The following NINL variants were observed in gnomAD, a reference collection of about 807,000 sequenced individuals.
NINL encodes the protein ninein like.
NINL carries 153 observed loss-of-function variants against 160.3 expected under a neutral mutation model. The ratio of observed to expected loss-of-function variants is 0.95; its 90% CI spans 0.84 to 1.09. The LOEUF is 1.09. NINL is among the 50% of genes least tolerant of loss of function. The probability of loss-of-function intolerance (pLI) is 0.00; values close to 1 mark genes in which losing one functional copy is unlikely to be tolerated. For missense variants in NINL, 1,829 were observed against 1,764.0 expected, an observed-to-expected ratio of 1.04 and a Z score of -0.66; for synonymous variants, 800 against 734.8, an observed-to-expected ratio of 1.09 and a Z score of -1.43.
chr20:25,478,160 G>A (rs1179820566), intron 16 of NINL, among the ~76,000 whole-genome samples: 6 of 152,130 alleles, frequency 3.9e-5, no homozygotes, highest in Non-Finnish European at 8.8e-5. Context: ...ATGTTGGCCA[G>A]GCTGGTCTCG....
intron 8 of NINL, among the ~76,000 whole-genome samples, chr20:25,499,785 G>A (rs899763416): frequency 2.0e-5 from 3 of 151,960 alleles, no homozygotes; most frequent in Non-Finnish European, 4.4e-5. Flanking sequence ...ATATGACAGA[G>A]CCTCCAAGAG....
chr20:25,482,512 T>A (rs6138584), intron 13 of NINL, among the ~76,000 whole-genome samples: 23,577 of 151,456 alleles, frequency 0.16, 2,115 homozygotes, highest in East Asian at 0.35. Context: ...TTAATTAATT[T>A]ATTTATTTTT....
Position 25,512,946 on chromosome 20 carries a change from C to T in NINL, c.338G>A (p.Ser113Asn). 1.2e-6 allele frequency: 2 copies of T among 1,614,050 alleles called. No homozygotes were observed. Among genetic ancestry groups the T allele is most frequent in the Middle Eastern group, 1.7e-4 (1 of 6,058 alleles). The change falls in exon 4 of 24, where the codon AGC becomes AAC. Residue 113 changes from serine (S) to asparagine (N), a missense_variant. Transcript: ENST00000278886. ...VNGSKWYGRR[S>N]RPELCDAATE... The stretch of plus-strand genomic sequence containing the variant: ...GGCAGCGTCACATAGCTCAGGCCGG[C>T]TCCGACGGCCATACCACTTAGAACC...
Position 25,476,127 on chromosome 20 carries a change from TTCTC to T in NINL, c.3160_3163del (p.Glu1054ArgfsTer22), listed in dbSNP as rs775950413. 7.4e-6 allele frequency: 12 copies of T among 1,613,988 alleles called. No individual in the cohort carries two copies. Among genetic ancestry groups the T allele is most frequent in the Non-Finnish European group, 1.0e-5 (12 of 1,179,980 alleles). On this transcript the variant is annotated frameshift_variant, in exon 17 of 24. Transcript: ENST00000278886. LOFTEE classifies it high-confidence loss of function. Reference sequence around the variant, plus strand: ...TAGAAGTTTGGTTTCCATGTCATCCTTCTCTCTCTCCAGCGCTATTTTGGTCTCC... The same window carrying T: ...TAGAAGTTTGGTTTCCATGTCATCCTTCTCTCCAGCGCTATTTTGGTCTCC...
intron 1 of NINL, among the ~76,000 whole-genome samples, chr20:25,548,730 T>C (rs1309583590): frequency 0.023 from 1,004 of 44,386 alleles, no homozygotes; most frequent in Middle Eastern, 0.065. Context: ...CACGGCCACA[T>C]CTCCCACACC....
chr20:25,530,435 T>G (rs394798), intron 1 of NINL, among the ~76,000 whole-genome samples: 10 of 152,102 alleles, frequency 6.6e-5, no homozygotes, highest in African/African-American at 2.4e-4. Context: ...GAGAGAGACG[T>G]TGGGCAAATC....
intron 21 of NINL, among the ~76,000 whole-genome samples, chr20:25,459,956 C>T (rs576655116): frequency 1.3e-5 from 2 of 152,104 alleles, no homozygotes; most frequent in Admixed American, 6.5e-5. Flanking sequence ...TGAGGCAGAG[C>T]GGCAGATGGG....
chr20:25,463,696 G>A (rs2062844790), intron 19 of NINL, among the ~76,000 whole-genome samples: 1 of 152,154 alleles, frequency 6.6e-6, no homozygotes, highest in Non-Finnish European at 1.5e-5. Context: ...CAGCACAATC[G>A]ACCACGCACA....
At chr20:25,545,982 G>A (rs961514882) in intron 1 of NINL, among the ~76,000 whole-genome samples, 1 of 74,986 alleles carries the variant, frequency 1.3e-5, no homozygotes, top group African/African-American at 3.3e-5. Flanking sequence ...TTGTTGTTTT[G>A]TTTTTATTTT....
intron 4 of NINL, among the ~76,000 whole-genome samples, chr20:25,511,105 C>T (rs1256186660): frequency 6.6e-6 from 1 of 152,178 alleles, no homozygotes; most frequent in African/African-American, 2.4e-5. Flanking sequence ...TGGCTTCAGA[C>T]CCAGCACTTG....
intron 2 of NINL, among the ~76,000 whole-genome samples, chr20:25,519,393 C>CA (rs1457606715): frequency 1.3e-5 from 2 of 152,130 alleles, no homozygotes; most frequent in Admixed American, 6.5e-5. Flanking sequence ...TTCATTTCTT[C>CA]TTGCAATTCT....
At chr20:25,584,925 C>A (rs191187571) in intron 1 of NINL, among the ~76,000 whole-genome samples, 96 of 152,374 alleles carry the variant, frequency 6.3e-4, no homozygotes, top group African/African-American at 2.3e-3. Flanking sequence ...TCGCAACAGA[C>A]TTCTACACCC....
intron 1 of NINL, among the ~76,000 whole-genome samples, chr20:25,537,546 C>G (rs1016321595): frequency 1.3e-5 from 2 of 152,236 alleles, no homozygotes; most frequent in Admixed American, 6.5e-5. Context: ...CATCCCCACA[C>G]ACAAAATTAA....
At chr20:25,510,649 A>G (rs1366062349) in intron 5 of NINL, 25 bp downstream of exon 5, 6 of 1,607,928 alleles carry the variant, frequency 3.7e-6, no homozygotes, top group Admixed American at 1.7e-5. Context: ...GGCAGAGAGC[A>G]CTGAATGCGA....
chr20:25,511,200 C>T (rs969740814), intron 4 of NINL, among the ~76,000 whole-genome samples: 5 of 152,156 alleles, frequency 3.3e-5, no homozygotes, highest in African/African-American at 1.2e-4. Context: ...CCTCTCTGCA[C>T]CTTTCCCTCA....
intron 19 of NINL, among the ~76,000 whole-genome samples, chr20:25,463,373 T>C (rs1455259367): frequency 6.6e-6 from 1 of 152,328 alleles, no homozygotes; most frequent in African/African-American, 2.4e-5. Context: ...CTCTTAAGTC[T>C]CCTCTGATCT....
At chr20:25,490,044 G>A (rs2063591122) in intron 11 of NINL, 59 bp from the exon 12 acceptor site, 2 of 1,446,488 alleles carry the variant, frequency 1.4e-6, no homozygotes, top group Non-Finnish European at 1.9e-6. Context: ...GATGTGTGCA[G>A]GATGGAGGTG....
At chr20:25,536,125 A>C (rs1230227491) in intron 1 of NINL, among the ~76,000 whole-genome samples, 1 of 152,206 alleles carries the variant, frequency 6.6e-6, no homozygotes, top group Non-Finnish European at 1.5e-5. Context: ...AGGGCCTTCC[A>C]TGTGCTCAGG....
At chr20:25,495,907 G>A (rs1033171441) in intron 10 of NINL, among the ~76,000 whole-genome samples, 1 of 152,232 alleles carries the variant, frequency 6.6e-6, no homozygotes, top group Admixed American at 6.5e-5. Context: ...AGCACTTTGG[G>A]AGGCTGATGG....
Sources: allele counts gnomAD v4.1 joint callset (sites outside exome capture counted in the v4.1 genomes callset), GRCh38; gene constraint gnomAD v4.1.1; transcripts MANE v1.5; gene names NCBI Gene and HGNC (gene_info 2026-07-23, HGNC 2026-07-21).